Variants in SETBP1 observed in about 807,000 individuals in gnomAD.
The protein encoded by SETBP1 is SET-binding protein.
In SETBP1, 9 loss-of-function variants were observed where a neutral mutation model predicts 101.0. The ratio of observed to expected loss-of-function variants is 0.09; its 90% confidence interval spans 0.05 to 0.16. The LOEUF is 0.16. Ranked by LOEUF, SETBP1 falls within the 10% of genes least tolerant of loss-of-function variation. SETBP1 has a pLI of 1.00. For missense variants in SETBP1, 1,858 were observed against 2,033.8 expected (o/e 0.91, Z 1.66); for synonymous variants, 818 against 788.5 (o/e 1.04, Z -0.63).
rs75401532 is a variant in SETBP1 at position 44,827,501 on chromosome 18, A to G, written c.487-41729A>G. ...AGCCCCCATGATAGCTCATTCACTC[A>G]TTTCTTCATTGCAACATATACATCT... is the stretch of plus-strand genomic sequence containing the variant. On this transcript the variant is annotated intron_variant, in intron 2 of 5. Transcript: ENST00000649279. Among the ~76,000 whole-genome samples, 1,285 of 152,302 alleles carry G rather than the reference A, an allele frequency of 8.4e-3. 6 individuals carry two copies. The highest frequency in any genetic ancestry group is 0.015 in the Non-Finnish European group (1,007 of 68,026).
At chr18:44,989,766 G>A (rs1599416983) in intron 4 of SETBP1, among the ~76,000 whole-genome samples, 1 of 148,858 alleles carries the variant, frequency 6.7e-6, no homozygotes, top group Admixed American at 6.7e-5. Flanking sequence ...CTACTTGGGA[G>A]GCTGAGGCAG....
intron 4 of SETBP1, among the ~76,000 whole-genome samples, chr18:44,978,789 C>T (rs530239476): frequency 6.6e-6 from 1 of 152,218 alleles, no homozygotes; most frequent in South Asian, 2.1e-4. Flanking sequence ...CCCATGATGG[C>T]CTGCAGTGAG....
At chr18:44,935,214 TAA>T (rs1270495935) in intron 3 of SETBP1, among the ~76,000 whole-genome samples, 1 of 152,192 alleles carries the variant, frequency 6.6e-6, no homozygotes, top group Non-Finnish European at 1.5e-5. Flanking sequence ...ATGGGAAGCT[TAA>T]AAGCTGGAAT....
chr18:44,932,268 C>A (rs1465166884), intron 3 of SETBP1, among the ~76,000 whole-genome samples: 1 of 152,186 alleles, frequency 6.6e-6, no homozygotes, highest in Non-Finnish European at 1.5e-5. Flanking sequence ...ATATTGGTCC[C>A]CACTCTCTTC....
At chr18:44,993,586 A>G (rs888490422) in intron 4 of SETBP1, among the ~76,000 whole-genome samples, 3 of 152,064 alleles carry the variant, frequency 2.0e-5, no homozygotes, top group Non-Finnish European at 2.9e-5. Flanking sequence ...ATAGGATTTC[A>G]TTTTTAAAAA....
chr18:44,818,547 T>C (rs1229316542), intron 2 of SETBP1, among the ~76,000 whole-genome samples: 1 of 152,112 alleles, frequency 6.6e-6, no homozygotes, highest in African/African-American at 2.4e-5. Context: ...GGGCTTTGTT[T>C]AATGTCTTAA....
At chr18:45,039,285 C>T (rs2073461874) in intron 5 of SETBP1, among the ~76,000 whole-genome samples, 1 of 152,168 alleles carries the variant, frequency 6.6e-6, no homozygotes, top group South Asian at 2.1e-4. Context: ...TCAAGTTCTC[C>T]ACAGCCTGGT....
At chr18:44,928,716 C>A (rs2070758135) in intron 3 of SETBP1, among the ~76,000 whole-genome samples, 1 of 152,212 alleles carries the variant, frequency 6.6e-6, no homozygotes, top group Non-Finnish European at 1.5e-5. Flanking sequence ...CTGCTGGCTG[C>A]ATAAATGTCT....
At chr18:44,919,758 G>A (rs2070535221) in intron 3 of SETBP1, among the ~76,000 whole-genome samples, 1 of 151,238 alleles carries the variant, frequency 6.6e-6, no homozygotes, top group Non-Finnish European at 1.5e-5. Flanking sequence ...ATACATATGT[G>A]TATTGTATGT....
intron 2 of SETBP1, among the ~76,000 whole-genome samples, chr18:44,715,738 A>G (rs913672825): frequency 2.0e-5 from 3 of 152,208 alleles, no homozygotes; most frequent in Non-Finnish European, 4.4e-5. Context: ...CCAACAAACT[A>G]TCGTTGCTAA....
intron 5 of SETBP1, among the ~76,000 whole-genome samples, chr18:45,047,639 G>A (rs767142374): frequency 5.3e-5 from 8 of 152,190 alleles, no homozygotes; most frequent in Non-Finnish European, 7.3e-5. Context: ...GGAGTAGGGG[G>A]TGGCAGGGCA....
chr18:44,775,886 C>T (rs1235574935), intron 2 of SETBP1, among the ~76,000 whole-genome samples: 1 of 152,190 alleles, frequency 6.6e-6, no homozygotes, highest in Non-Finnish European at 1.5e-5. Flanking sequence ...GATCCCTGCT[C>T]AAGCCACTTT....
At chr18:44,691,040 T>A (rs1598993960) in intron 1 of SETBP1, among the ~76,000 whole-genome samples, 1 of 152,268 alleles carries the variant, frequency 6.6e-6, no homozygotes, top group South Asian at 2.1e-4. Context: ...ACGTGGCAAT[T>A]CAGATGGCAC....
chr18:45,020,258 T>TAA lies in SETBP1; in HGVS notation c.4001-18191_4001-18190dup, dbSNP rs57134217. 1.1e-3 allele frequency among the ~76,000 whole-genome samples: 58 copies of TAA among 53,086 alleles called. 8 individuals are homozygous for TAA. The highest frequency in any genetic ancestry group is 2.2e-3 in the South Asian group (3 of 1,336). 34.8% of individuals were successfully genotyped at this position (53,086 alleles called of 152,430 possible). ...CTGGTGACAGAGCAAGACTCTGTCT[T>TAA]AAAAAAAAAAAAAAAAAAAAAAAAA... On this transcript the variant is annotated intron_variant, in intron 4 of 5. Transcript: ENST00000649279.
At chr18:45,054,543 A>G (rs895371132) in intron 5 of SETBP1, among the ~76,000 whole-genome samples, 13 of 151,684 alleles carry the variant, frequency 8.6e-5, no homozygotes, top group Non-Finnish European at 1.5e-5. Flanking sequence ...GACTTAAAAC[A>G]CTCCTCTGTT....
At chr18:44,966,818 T>C (rs558021059) in intron 4 of SETBP1, among the ~76,000 whole-genome samples, 1 of 152,344 alleles carries the variant, frequency 6.6e-6, no homozygotes, top group African/African-American at 2.4e-5. Flanking sequence ...TTGCTCGTAG[T>C]GCAACCTTGG....
At chr18:44,956,968 T>G (rs1409342491) in intron 4 of SETBP1, among the ~76,000 whole-genome samples, 1 of 152,228 alleles carries the variant, frequency 6.6e-6, no homozygotes, top group African/African-American at 2.4e-5. Context: ...GGTTTCAGAA[T>G]GCAGTAGCTC....
intron 4 of SETBP1, among the ~76,000 whole-genome samples, chr18:44,962,178 A>T (rs976180081): frequency 6.6e-6 from 1 of 152,222 alleles, no homozygotes; most frequent in Non-Finnish European, 1.5e-5. Flanking sequence ...CAACAATGGG[A>T]GCTGCGGGGA....
chr18:44,867,925 T>C (rs543037996), intron 2 of SETBP1, among the ~76,000 whole-genome samples: 11 of 152,318 alleles, frequency 7.2e-5, no homozygotes, highest in Middle Eastern at 3.4e-3. Context: ...AAACAAAACA[T>C]TGTTACAGCA....
Sources: gnomAD v4.1 joint callset for allele counts (sites outside exome capture counted in the v4.1 genomes callset) on GRCh38, gnomAD v4.1.1 for gene constraint, MANE v1.5 for transcripts, NCBI Gene and HGNC (gene_info 2026-07-23, HGNC 2026-07-21) for gene names.